The following ACVR1 variants were observed in gnomAD, a reference collection of about 807,000 sequenced individuals.
The protein encoded by ACVR1 is activin receptor type-1.
Under a neutral mutation model 57.1 loss-of-function variants are expected in ACVR1, and 38 were observed. The ratio of observed to expected loss-of-function variants is 0.67; its 90% CI spans 0.51 to 0.87. The LOEUF (loss-of-function observed/expected upper bound fraction) is 0.87, where lower values mean the gene tolerates loss of function less well. Among genes scored for constraint, ACVR1 ranks in the 40% least tolerant of loss-of-function variants. The pLI is 0.00. For missense variants in ACVR1, 463 were observed against 638.2 expected, an observed-to-expected ratio of 0.73 and a Z score of 2.96; for synonymous variants, 212 against 228.1, an observed-to-expected ratio of 0.93 and a Z score of 0.63.
rs761338576 is a variant in ACVR1, at chr2:157,859,372, C to T, written c.-183+16424G>A. Among the ~76,000 whole-genome samples, 3 of 152,226 alleles carry T rather than the reference C, an allele frequency of 2.0e-5. No individual in the cohort carries two copies. In the East Asian group the frequency reaches 5.8e-4, roughly 29 times the overall value. On this transcript the variant is annotated intron_variant, in intron 1 of 10. Transcript: ENST00000434821. ...AAGGGGAGACATCAATAATCCACCC[C>T]TTGTTTAAAAAATAATTCGGAAATA...
At chr2:157,855,356 C>T (rs1689496591) in intron 1 of ACVR1, among the ~76,000 whole-genome samples, 1 of 133,312 alleles carries the variant, frequency 7.5e-6, no homozygotes, top group Non-Finnish European at 1.6e-5. Context: ...AAAAATTAGC[C>T]GGACGTGGTG....
At chr2:157,837,557 G>A (rs144897050) in intron 1 of ACVR1, among the ~76,000 whole-genome samples, 4 of 152,062 alleles carry the variant, frequency 2.6e-5, no homozygotes, top group South Asian at 2.1e-4. Flanking sequence ...AAAATAGAGC[G>A]GTACATCTGT....
intron 8 of ACVR1, 108 bp downstream of exon 8, chr2:157,765,813 T>C: frequency 8.7e-7 from 1 of 1,144,688 alleles, no homozygotes; most frequent in Non-Finnish European, 1.3e-6. Context: ...TCAACTTTTC[T>C]GCATGTTTGA....
chr2:157,822,030 G>A (rs1688179899), intron 1 of ACVR1, among the ~76,000 whole-genome samples: 1 of 151,932 alleles, frequency 6.6e-6, no homozygotes, highest in South Asian at 2.1e-4. Context: ...CATATCCTTG[G>A]CTTCTAGAAA....
intron 1 of ACVR1, 163 bp downstream of exon 1, chr2:157,875,633 C>G (rs571519405): frequency 1.6e-4 from 24 of 152,138 alleles, no homozygotes; most frequent in Admixed American, 1.1e-3. Context: ...CTGCTTCCCC[C>G]ACGGAGAGGG....
At chr2:157,741,999 A>C (rs1684792579) in intron 9 of ACVR1, among the ~76,000 whole-genome samples, 1 of 152,154 alleles carries the variant, frequency 6.6e-6, no homozygotes, top group African/African-American at 2.4e-5. Flanking sequence ...AGGAACTGAC[A>C]AACCATCCTC....
chr2:157,852,016 T>C (rs186353866), intron 1 of ACVR1, among the ~76,000 whole-genome samples: 1 of 150,220 alleles, frequency 6.7e-6, no homozygotes, highest in East Asian at 2.0e-4. Context: ...GACTACAGGC[T>C]GAAGAGGCAA....
intron 6 of ACVR1, 107 bp from the exon 7 acceptor site, chr2:157,770,621 T>C: frequency 1.8e-6 from 2 of 1,124,866 alleles, no homozygotes; most frequent in Non-Finnish European, 1.3e-6. Context: ...AATCCCTCCA[T>C]TGCTTACTGG....
chr2:157,815,463 C>T (rs1316273199), intron 2 of ACVR1, among the ~76,000 whole-genome samples: 1 of 152,166 alleles, frequency 6.6e-6, no homozygotes, highest in Non-Finnish European at 1.5e-5. Flanking sequence ...ATTGCCAACA[C>T]CAGATACCGG....
At chr2:157,872,705 T>C (rs1690151506) in intron 1 of ACVR1, among the ~76,000 whole-genome samples, 1 of 152,224 alleles carries the variant, frequency 6.6e-6, no homozygotes, top group African/African-American at 2.4e-5. Context: ...AAATCTATAG[T>C]CAGCATAGTG....
chr2:157,770,538 A>G (rs1274440787), intron 6 of ACVR1, 24 bp from the exon 7 acceptor site: 3 of 1,613,882 alleles, frequency 1.9e-6, no homozygotes, highest in Non-Finnish European at 2.5e-6. Context: ...AACATAGGTG[A>G]CACAGAACAG....
intron 1 of ACVR1, among the ~76,000 whole-genome samples, chr2:157,851,899 AC>A (rs1689321524): frequency 3.7e-4 from 2 of 5,476 alleles, no homozygotes; most frequent in African/African-American, 8.8e-4. Flanking sequence ...ACACACACAC[AC>A]ACACACACAC....
intron 2 of ACVR1, among the ~76,000 whole-genome samples, chr2:157,803,745 G>A (rs1051691663): frequency 1.3e-5 from 2 of 152,102 alleles, no homozygotes; most frequent in African/African-American, 4.8e-5. Context: ...CCTTACTCCA[G>A]TATTTTTTAA....
At chr2:157,791,807 T>C (rs1382702249) in intron 3 of ACVR1, among the ~76,000 whole-genome samples, 1 of 152,220 alleles carries the variant, frequency 6.6e-6, no homozygotes, top group Non-Finnish European at 1.5e-5. Context: ...AACATGATCC[T>C]AACCCTCTGC....
chr2:157,797,860 C>A (rs759175267), intron 3 of ACVR1, among the ~76,000 whole-genome samples: 2 of 152,032 alleles, frequency 1.3e-5, no homozygotes, highest in Non-Finnish European at 2.9e-5. Context: ...TAGGGCAGAC[C>A]CCTCAGGATT....
intron 1 of ACVR1, among the ~76,000 whole-genome samples, chr2:157,820,915 T>A (rs1688139722): frequency 6.6e-6 from 1 of 152,198 alleles, no homozygotes; most frequent in African/African-American, 2.4e-5. Flanking sequence ...GTTAACTAGA[T>A]AAAAATTAAA....
chr2:157,839,270 A>G (rs112747113), intron 1 of ACVR1, among the ~76,000 whole-genome samples: 4 of 152,098 alleles, frequency 2.6e-5, no homozygotes, highest in Admixed American at 6.5e-5. Flanking sequence ...TCGCCTTTCT[A>G]TTGTCCCACC....
intron 1 of ACVR1, among the ~76,000 whole-genome samples, chr2:157,843,692 C>A (rs144458366): frequency 2.0e-5 from 3 of 152,284 alleles, no homozygotes; most frequent in Middle Eastern, 3.4e-3. Flanking sequence ...AAAGGATTAA[C>A]ATGTACCTTC....
At chr2:157,875,658 G>C (rs928524301) in intron 1 of ACVR1, 138 bp downstream of exon 1, 13 of 152,462 alleles carry the variant, frequency 8.5e-5, no homozygotes, top group Admixed American at 3.3e-4. Flanking sequence ...AAGCTTGGGG[G>C]AGAAAGGAAT....
Sources: gnomAD v4.1 joint callset for allele counts (sites outside exome capture counted in the v4.1 genomes callset) on GRCh38, gnomAD v4.1.1 for gene constraint, MANE v1.5 for transcripts, NCBI Gene and HGNC (gene_info 2026-07-23, HGNC 2026-07-21) for gene names.